Variants in LINGO2 observed in about 807,000 individuals in gnomAD.
LINGO2 encodes the protein leucine rich repeat and Ig domain containing 2, also known as leucine-rich repeat and immunoglobulin-like domain-containing nogo receptor-interacting protein 2.
A neutral mutation model predicts 30.6 loss-of-function variants in LINGO2; 14 were observed. That is an observed-to-expected ratio of 0.46 (90% CI 0.30 to 0.72). The LOEUF is 0.72. Among genes scored for constraint, LINGO2 ranks in the 30% least tolerant of loss-of-function variants. The pLI is 0.07. For synonymous variants in LINGO2, 317 were observed against 288.5 expected (o/e 1.10, Z -1.00); for missense variants, 729 against 751.7 (o/e 0.97, Z 0.35).
At chr9:28,553,543 G>A (rs1028500502) in intron 1 of LINGO2, among the ~76,000 whole-genome samples, 15 of 152,078 alleles carry the variant, frequency 9.9e-5, no homozygotes, top group African/African-American at 3.1e-4. Context: ...GGAAGTGATG[G>A]GGAGAATGGA....
At chr9:28,918,265 A>T in the LINGO2 span, among the ~76,000 whole-genome samples, 1 of 152,126 alleles carries the variant, frequency 6.6e-6, no homozygotes, top group Non-Finnish European at 1.5e-5. Context: ...ATCTTGTGTG[A>T]CTTATACCCT....
At chr9:28,485,956 A>G (rs1367622477) in intron 1 of LINGO2, among the ~76,000 whole-genome samples, 1 of 152,112 alleles carries the variant, frequency 6.6e-6, no homozygotes, top group Non-Finnish European at 1.5e-5. Flanking sequence ...CCAAATCACT[A>G]TTCTTATTCT....
chr9:28,851,528 T>C, the LINGO2 span, among the ~76,000 whole-genome samples: 2 of 152,040 alleles, frequency 1.3e-5, no homozygotes, highest in East Asian at 1.9e-4. Context: ...CTCTTTGCCA[T>C]GTAAAGTAAC....
At chr9:28,888,224 T>C in the LINGO2 span, among the ~76,000 whole-genome samples, 20 of 152,218 alleles carry the variant, frequency 1.3e-4, no homozygotes, top group Admixed American at 3.9e-4. Flanking sequence ...ATTGAATTTG[T>C]CACTCTTGTT....
chr9:28,548,738 T>C (rs60056216), intron 1 of LINGO2, among the ~76,000 whole-genome samples: 10,117 of 148,292 alleles, frequency 0.068, 576 homozygotes, highest in African/African-American at 0.15. Context: ...AAATATTTGA[T>C]TCTATATAAT....
chr9:28,162,551 G>T (rs531697558), intron 4 of LINGO2, among the ~76,000 whole-genome samples: 2 of 152,102 alleles, frequency 1.3e-5, no homozygotes, highest in African/African-American at 4.8e-5. Flanking sequence ...AGGATAAAAT[G>T]CTTGAGAGAT....
chr9:28,431,029 T>TGAGAGAGAGAGAGA (rs57751993), intron 2 of LINGO2, among the ~76,000 whole-genome samples: 2,552 of 129,226 alleles, frequency 0.02, 71 homozygotes, highest in Non-Finnish European at 0.028. Context: ...GCATGAGTGA[T>TGAGAGAGAGAGAGA]GAGAGAGAGA....
At chr9:29,138,920 T>C in the LINGO2 span, among the ~76,000 whole-genome samples, 3 of 152,134 alleles carry the variant, frequency 2.0e-5, no homozygotes, top group East Asian at 5.8e-4. Context: ...CTCCAGAGTA[T>C]GGAAAGGACA....
chr9:28,942,858 T>C, the LINGO2 span, among the ~76,000 whole-genome samples: 1 of 152,150 alleles, frequency 6.6e-6, no homozygotes, highest in East Asian at 1.9e-4. Context: ...ACAAAAGAAA[T>C]GCTAAATAAA....
intron 2 of LINGO2, among the ~76,000 whole-genome samples, chr9:28,436,532 A>G (rs563892846): frequency 6.6e-6 from 1 of 151,858 alleles, no homozygotes; most frequent in East Asian, 1.9e-4. Flanking sequence ...GTCTCGGCTC[A>G]CTGTAAGCTC....
intron 4 of LINGO2, among the ~76,000 whole-genome samples, chr9:28,259,600 G>C (rs546709381): frequency 1.6e-4 from 24 of 151,740 alleles, no homozygotes; most frequent in Non-Finnish European, 3.1e-4. Context: ...AGGGAGGAGA[G>C]AGAATGAGCA....
In LINGO2 at chr9:28,333,420, G is replaced by A. The variant is rs192658074; in HGVS notation, c.-245-38054C>T. Among the ~76,000 whole-genome samples the A allele has an allele frequency of 3.3e-4, 50 of 152,198 alleles. No individual in the cohort carries two copies. In the East Asian group the frequency reaches 7.9e-3, roughly 24 times the overall value. Reference sequence around the variant, plus strand: ...TGTATAAGGTTAATCTAGGTGGGAGGCTAAGGTACATTCAAATGTAAATAC... The same window carrying A: ...TGTATAAGGTTAATCTAGGTGGGAGACTAAGGTACATTCAAATGTAAATAC... On this transcript the variant is annotated intron_variant, in intron 3 of 5. Coordinates refer to ENST00000379992, the Ensembl canonical transcript of LINGO2.
the LINGO2 span, among the ~76,000 whole-genome samples, chr9:29,114,029 A>G: frequency 3.3e-5 from 5 of 151,746 alleles, no homozygotes; most frequent in Non-Finnish European, 1.5e-5. Context: ...CATTCCTCTC[A>G]GCTAACAAGC....
chr9:28,220,853 C>T (rs907281827), intron 4 of LINGO2, among the ~76,000 whole-genome samples: 2 of 152,030 alleles, frequency 1.3e-5, no homozygotes, highest in African/African-American at 4.8e-5. Context: ...GTAACACCTC[C>T]AGCCCAAAGG....
intron 4 of LINGO2, among the ~76,000 whole-genome samples, chr9:28,070,853 C>T (rs1306201086): frequency 6.6e-6 from 1 of 152,122 alleles, no homozygotes; most frequent in East Asian, 1.9e-4. Flanking sequence ...GCTGGGACTA[C>T]AGCATGAGTA....
chr9:28,408,803 A>G (rs1363761531), intron 2 of LINGO2, among the ~76,000 whole-genome samples: 2 of 151,628 alleles, frequency 1.3e-5, no homozygotes, highest in African/African-American at 2.4e-5. Context: ...AAAAACAAAT[A>G]GAAAGATGGC....
chr9:27,944,737 A>G (rs116797916), downstream of LINGO2, among the ~76,000 whole-genome samples: 7 of 152,262 alleles, frequency 4.6e-5, no homozygotes, highest in East Asian at 1.9e-4. Context: ...AATAGAGATA[A>G]TAAGTCTTTA....
At chr9:28,736,214 G>C in the LINGO2 span, among the ~76,000 whole-genome samples, 2 of 152,170 alleles carry the variant, frequency 1.3e-5, no homozygotes, top group African/African-American at 4.8e-5. Flanking sequence ...GCTGAGGAAA[G>C]CAGACCATGA....
At chr9:28,296,951 T>C (rs1444698493) in intron 3 of LINGO2, among the ~76,000 whole-genome samples, 9 of 152,226 alleles carry the variant, frequency 5.9e-5, no homozygotes, top group African/African-American at 1.4e-4. Flanking sequence ...GAAATTATCA[T>C]ATCACTTATT....
Sources: allele counts gnomAD v4.1 joint callset (sites outside exome capture counted in the v4.1 genomes callset), GRCh38; gene constraint gnomAD v4.1.1; transcripts MANE v1.5; gene names NCBI Gene and HGNC (gene_info 2026-07-23, HGNC 2026-07-21).